The following PPARG variants were observed in gnomAD, a reference collection of about 807,000 sequenced individuals.
The protein encoded by PPARG is peroxisome proliferator-activated receptor gamma.
A neutral mutation model predicts 39.2 loss-of-function variants in PPARG; 17 were observed. The observed-to-expected ratio is 0.43, with a 90% confidence interval of 0.30 to 0.65. The LOEUF is 0.65. PPARG is among the 30% of genes least tolerant of loss of function. The probability of loss-of-function intolerance (pLI) is 0.13; values close to 1 mark genes in which losing one functional copy is unlikely to be tolerated. For synonymous variants in PPARG, 223 were observed against 215.7 expected, an observed-to-expected ratio of 1.03 and a Z score of -0.30; for missense variants, 406 against 585.9, an observed-to-expected ratio of 0.69 and a Z score of 3.17.
intron 2 of PPARG, 56 bp from the exon 3 acceptor site, chr3:12,379,644 CTGTG>C (rs1161973369): frequency 1.4e-6 from 2 of 1,450,868 alleles, no homozygotes; most frequent in African/African-American, 2.8e-5. Context: ...TTCTGAAACT[CTGTG>C]AGATTGCTGT....
At chr3:12,398,038 A>G (rs1015236275) in intron 5 of PPARG, among the ~76,000 whole-genome samples, 3 of 152,198 alleles carry the variant, frequency 2.0e-5, no homozygotes, top group African/African-American at 7.2e-5. Flanking sequence ...TCAAGGCTGC[A>G]TTCAAATGCC....
At chr3:12,296,657 A>G (rs553962532) in intron 1 of PPARG, among the ~76,000 whole-genome samples, 17 of 152,316 alleles carry the variant, frequency 1.1e-4, no homozygotes, top group East Asian at 7.7e-4. Context: ...AGTGGTGTCA[A>G]TAAGCTTTTG....
At chr3:12,359,817 G>A (rs935483816) in intron 2 of PPARG, among the ~76,000 whole-genome samples, 5 of 151,780 alleles carry the variant, frequency 3.3e-5, no homozygotes, top group African/African-American at 1.2e-4. Flanking sequence ...TGGGATTAGA[G>A]GCACCCACCA....
chr3:12,425,203 C>T (rs1279189662), intron 7 of PPARG, among the ~76,000 whole-genome samples: 1 of 152,106 alleles, frequency 6.6e-6, no homozygotes, highest in Non-Finnish European at 1.5e-5. Flanking sequence ...GTCCTGTGGC[C>T]CCCGAAGGAG....
rs576672289 is a variant in PPARG, at chr3:12,359,526, CTT to C, written c.-8-20177_-8-20176del. 4.7e-4 allele frequency among the ~76,000 whole-genome samples: 72 copies of C among 152,212 alleles called. 1 individual carries two copies. Among genetic ancestry groups the C allele is most frequent in the African/African-American group, 1.6e-3 (65 of 41,530 alleles). On this transcript the variant is annotated intron_variant, in intron 2 of 7. Coordinates refer to ENST00000651735, the MANE Select transcript of PPARG (RefSeq NM_138711.6). ...ATAGTAACTTCCCAAACACAAGACT[CTT>C]GACGTAGGCCTCAGAATTTGGGGAA...
chr3:12,296,344 G>A (rs2046786299), intron 1 of PPARG, among the ~76,000 whole-genome samples: 1 of 151,428 alleles, frequency 6.6e-6, no homozygotes, highest in Non-Finnish European at 1.5e-5. Flanking sequence ...AGCATCCTCT[G>A]GCAGCTTGTT....
chr3:12,353,008 C>A (rs1244581024), intron 2 of PPARG, among the ~76,000 whole-genome samples: 2 of 152,148 alleles, frequency 1.3e-5, no homozygotes, highest in Non-Finnish European at 2.9e-5. Context: ...TTTGAAAGAA[C>A]ATGTCTAGAA....
intron 2 of PPARG, among the ~76,000 whole-genome samples, chr3:12,324,211 G>A (rs962885689): frequency 1.3e-5 from 2 of 151,998 alleles, no homozygotes; most frequent in African/African-American, 4.8e-5. Flanking sequence ...CCCAGGAGGT[G>A]GAGGTTGTAG....
At chr3:12,353,795 A>T (rs1159540847) in intron 2 of PPARG, among the ~76,000 whole-genome samples, 1 of 152,192 alleles carries the variant, frequency 6.6e-6, no homozygotes, top group East Asian at 1.9e-4. Context: ...CTCCTCAAGC[A>T]ACCCCAAGTA....
At chr3:12,307,338 G>C (rs952666010) in intron 1 of PPARG, among the ~76,000 whole-genome samples, 6 of 152,058 alleles carry the variant, frequency 3.9e-5, no homozygotes, top group Admixed American at 6.5e-5. Flanking sequence ...ACAGATCCGT[G>C]TATTTACTTG....
intron 2 of PPARG, among the ~76,000 whole-genome samples, chr3:12,323,651 T>C (rs952708814): frequency 3.3e-5 from 5 of 152,170 alleles, no homozygotes; most frequent in Admixed American, 1.3e-4. Flanking sequence ...GTCGTGCTGC[T>C]GGTGCAAGGT....
intron 6 of PPARG, among the ~76,000 whole-genome samples, chr3:12,412,783 C>T (rs1211257930): frequency 3.9e-5 from 6 of 152,126 alleles, no homozygotes; most frequent in Non-Finnish European, 8.8e-5. Context: ...TAGAGAGACT[C>T]CACTACTGTG....
rs746152379 is a variant in PPARG at position 12,379,822 on chromosome 3, T to C, written c.111T>C (p.Thr37=). The change falls in exon 3 of 8, where the codon ACT becomes ACC. Residue 37 remains threonine, a synonymous_variant. Coordinates refer to ENST00000651735, the MANE Select transcript of PPARG (RefSeq NM_138711.6). The part of the protein sequence containing the change: ...SHSFDIKPFT[T]VDFSSISTPH... Reference sequence around the variant, plus strand: ...CCTTTGATATCAAGCCCTTCACTACTGTTGACTTCTCCAGCATTTCTACTC... The same window carrying C: ...CCTTTGATATCAAGCCCTTCACTACCGTTGACTTCTCCAGCATTTCTACTC... 4 of 1,613,860 alleles carry C rather than the reference T, an allele frequency of 2.5e-6. No individual in the cohort carries two copies. Among genetic ancestry groups the C allele is most frequent in the Middle Eastern group, 1.6e-4 (1 of 6,080 alleles).
intron 7 of PPARG, among the ~76,000 whole-genome samples, chr3:12,425,328 G>C (rs2051402080): frequency 6.6e-6 from 1 of 152,180 alleles, no homozygotes; most frequent in Non-Finnish European, 1.5e-5. Flanking sequence ...TGAGATCACA[G>C]GTTTTTCTGA....
chr3:12,303,969 A>G (rs2046993591), intron 1 of PPARG, among the ~76,000 whole-genome samples: 1 of 152,258 alleles, frequency 6.6e-6, no homozygotes, highest in East Asian at 1.9e-4. Context: ...AGCACTTGGA[A>G]TTACAGTTAC....
chr3:12,344,676 C>T lies in PPARG; in HGVS notation c.-9+32223C>T, dbSNP rs1169177527. The T allele has an allele frequency of 2.6e-5, 4 of 152,218 alleles. No individual in the cohort carries two copies. The East Asian group carries it at 7.7e-4, about 29-fold the overall frequency. The allele number at this position is 152,218 out of a possible 1,614,324, so 9.4% of individuals were successfully genotyped here. A position where few individuals can be genotyped will look rare whatever the true frequency, so the allele number is the denominator to read the frequency against. On this transcript the variant is annotated intron_variant, in intron 2 of 7. Transcript: ENST00000651735. ...CTTCCTGAAGCGTATTTATGTAGCT[C>T]CTGTTAACATAAGAGCGATAAGAGT...
intron 1 of PPARG, among the ~76,000 whole-genome samples, chr3:12,291,317 A>T (rs1025415421): frequency 2.6e-5 from 4 of 152,202 alleles, no homozygotes; most frequent in African/African-American, 4.8e-5. Flanking sequence ...GTCCTTTGAA[A>T]CGGATCTAAT....
chr3:12,429,814 C>A (rs2125315445), intron 7 of PPARG, among the ~76,000 whole-genome samples: 1 of 152,322 alleles, frequency 6.6e-6, no homozygotes, highest in Non-Finnish European at 1.5e-5. Context: ...GTGGCTTTTT[C>A]ATTCCCATAG....
chr3:12,405,700 T>C (rs1157443982), intron 5 of PPARG, among the ~76,000 whole-genome samples, 182 bp from the exon 6 acceptor site: 1 of 152,236 alleles, frequency 6.6e-6, no homozygotes, highest in African/African-American at 2.4e-5. Flanking sequence ...TAATTTTTAC[T>C]GATGGTCTGT....
Sources: allele counts gnomAD v4.1 joint callset (sites outside exome capture counted in the v4.1 genomes callset), GRCh38; gene constraint gnomAD v4.1.1; transcripts MANE v1.5; gene names NCBI Gene and HGNC (gene_info 2026-07-23, HGNC 2026-07-21).